SNTG1: variants seen among roughly 807,000 people sequenced by gnomAD.
SNTG1 encodes syntrophin gamma 1, also known as gamma-1-syntrophin.
Under a neutral mutation model 74.7 loss-of-function variants are expected in SNTG1, and 39 were observed. That is an observed-to-expected ratio of 0.52 (90% CI 0.40 to 0.68). The LOEUF (loss-of-function observed/expected upper bound fraction) is 0.68. Among genes scored for constraint, SNTG1 ranks in the 30% least tolerant of loss-of-function variants. The probability of loss-of-function intolerance (pLI) is 0.00; values close to 1 mark genes in which losing one functional copy is unlikely to be tolerated. For synonymous variants in SNTG1, 254 were observed against 217.1 expected, an observed-to-expected ratio of 1.17 and a Z score of -1.49; for missense variants, 685 against 609.5, an observed-to-expected ratio of 1.12 and a Z score of -1.30.
intron 2 of SNTG1, among the ~76,000 whole-genome samples, chr8:50,230,542 GGAAATA>G (rs1195466090): frequency 1.3e-5 from 2 of 151,272 alleles, no homozygotes; most frequent in Non-Finnish European, 3.0e-5. Context: ...TTACTATTAA[GGAAATA>G]GAAAGTATAA....
intron 13 of SNTG1, among the ~76,000 whole-genome samples, chr8:50,605,909 A>C (rs371002084): frequency 4.9e-4 from 75 of 152,304 alleles, no homozygotes; most frequent in Admixed American, 1.5e-3. Context: ...GATTCTATTT[A>C]TGTGATATAT....
At chr8:49,912,887 TG>T (rs1805703658) in intron 1 of SNTG1, among the ~76,000 whole-genome samples, 2 of 152,220 alleles carry the variant, frequency 1.3e-5, no homozygotes, top group South Asian at 4.1e-4. Flanking sequence ...TTAGGAGAGC[TG>T]GATTTCAAAA....
At chr8:50,678,476 T>C (rs565834007) in intron 15 of SNTG1, among the ~76,000 whole-genome samples, 1 of 152,258 alleles carries the variant, frequency 6.6e-6, no homozygotes, top group Middle Eastern at 3.4e-3. Flanking sequence ...CTGTAATGTT[T>C]ACAAGTGTGT....
chr8:49,949,900 G>T (rs1023300046), intron 1 of SNTG1, among the ~76,000 whole-genome samples: 1 of 152,206 alleles, frequency 6.6e-6, no homozygotes, highest in Non-Finnish European at 1.5e-5. Context: ...AGCACTTTGG[G>T]AGGATTGCTT....
At chr8:50,762,262 G>T (rs1258949501) in intron 18 of SNTG1, among the ~76,000 whole-genome samples, 1 of 151,974 alleles carries the variant, frequency 6.6e-6, no homozygotes, top group African/African-American at 2.4e-5. Context: ...TTTAGAAGGG[G>T]TGAATAGCGA....
intron 2 of SNTG1, among the ~76,000 whole-genome samples, chr8:50,207,920 G>C (rs980499881): frequency 6.6e-6 from 1 of 152,174 alleles, no homozygotes; most frequent in African/African-American, 2.4e-5. Flanking sequence ...ATTGCACTGT[G>C]ATCTCAGAGA....
chr8:50,046,520 C>A (rs546572412), intron 1 of SNTG1, among the ~76,000 whole-genome samples: 2 of 152,242 alleles, frequency 1.3e-5, no homozygotes, highest in East Asian at 1.9e-4. Flanking sequence ...TAAGTTAATT[C>A]TACTCTTTTT....
intron 8 of SNTG1, among the ~76,000 whole-genome samples, chr8:50,476,933 G>A (rs1314796185): frequency 6.6e-6 from 1 of 151,358 alleles, no homozygotes; most frequent in South Asian, 2.1e-4. Context: ...TGTCAAAGGA[G>A]CAAAGGAGCC....
At chr8:49,980,521 C>CAAAAAAAAAAAAAAAAAAA (rs565561398) in intron 1 of SNTG1, among the ~76,000 whole-genome samples, 8 of 53,830 alleles carry the variant, frequency 1.5e-4, no homozygotes, top group African/African-American at 5.9e-4. Context: ...GACTCCTTCG[C>CAAAAAAAAAAAAAAAAAAA]AAAAAAAAAA....
chr8:49,951,873 C>CAAAAAAAAAAAAAAAAAAAA (rs5891338), intron 1 of SNTG1, among the ~76,000 whole-genome samples: 2 of 56,268 alleles, frequency 3.6e-5, no homozygotes, highest in Non-Finnish European at 3.3e-5. Context: ...GGAAAATTCA[C>CAAAAAAAAAAAAAAAAAAAA]AAAAAAAAAA....
chr8:50,111,454 C>A (rs150948788), intron 1 of SNTG1, among the ~76,000 whole-genome samples: 1 of 152,164 alleles, frequency 6.6e-6, no homozygotes, highest in African/African-American at 2.4e-5. Context: ...ATTCTTCTTG[C>A]ACCTACAGAA....
intron 9 of SNTG1, among the ~76,000 whole-genome samples, chr8:50,517,616 C>CAAAAAAAAAAAAAAAA (rs1161724778): frequency 7.2e-4 from 45 of 62,228 alleles, no homozygotes; most frequent in East Asian, 2.9e-3. Flanking sequence ...AAATGGAAAG[C>CAAAAAAAAAAAAAAAA]AAAAAAAAAA....
chr8:50,224,688 T>G (rs1421560052), intron 2 of SNTG1, among the ~76,000 whole-genome samples: 1 of 152,150 alleles, frequency 6.6e-6, no homozygotes, highest in East Asian at 1.9e-4. Flanking sequence ...GAATGGATGG[T>G]TGAACATGCC....
At chr8:50,550,715 T>A (rs890748709) in intron 11 of SNTG1, among the ~76,000 whole-genome samples, 7 of 149,906 alleles carry the variant, frequency 4.7e-5, no homozygotes, top group Non-Finnish European at 1.0e-4. Context: ...ATATGACACA[T>A]AATTTTGTCT....
At chr8:50,529,293 AGC>A (rs1350807985) in intron 9 of SNTG1, among the ~76,000 whole-genome samples, 12 of 151,986 alleles carry the variant, frequency 7.9e-5, no homozygotes, top group African/African-American at 2.7e-4. Flanking sequence ...ATAGCGAGAA[AGC>A]CTATATTTCC....
intron 1 of SNTG1, among the ~76,000 whole-genome samples, chr8:50,042,295 C>T (rs1296293236): frequency 1.3e-5 from 2 of 152,200 alleles, no homozygotes; most frequent in African/African-American, 4.8e-5. Context: ...CCCATCCCCA[C>T]AGCCCACCCC....
intron 13 of SNTG1, among the ~76,000 whole-genome samples, chr8:50,604,462 G>A (rs994541059): frequency 2.0e-5 from 3 of 151,952 alleles, no homozygotes; most frequent in Admixed American, 6.6e-5. Flanking sequence ...TATACCTGGT[G>A]TTCTATTCTG....
intron 1 of SNTG1, among the ~76,000 whole-genome samples, chr8:50,029,086 T>C (rs1186828153): frequency 6.6e-6 from 1 of 152,154 alleles, no homozygotes; most frequent in African/African-American, 2.4e-5. Flanking sequence ...TTTCATCTTA[T>C]TAACAAGATT....
intron 2 of SNTG1, among the ~76,000 whole-genome samples, chr8:50,304,798 C>A (rs2089807145): frequency 6.6e-6 from 1 of 152,088 alleles, no homozygotes. Flanking sequence ...ATTTGTGTGA[C>A]CACTATTTCT....
Sources: allele counts gnomAD v4.1 joint callset (sites outside exome capture counted in the v4.1 genomes callset), GRCh38; gene constraint gnomAD v4.1.1; transcripts MANE v1.5; gene names NCBI Gene and HGNC (gene_info 2026-07-23, HGNC 2026-07-21).